GRIN2A: variants seen among roughly 807,000 people sequenced by gnomAD.
GRIN2A encodes glutamate ionotropic receptor NMDA type subunit 2A, also known as glutamate receptor ionotropic, NMDA 2A.
A neutral mutation model predicts 113.4 loss-of-function variants in GRIN2A; 22 were observed. That is an observed-to-expected ratio of 0.19 (90% CI 0.14 to 0.28). The LOEUF is 0.28. GRIN2A is among the 10% of genes least tolerant of loss of function. The pLI is 1.00. For synonymous variants in GRIN2A, 827 were observed against 738.4 expected, an observed-to-expected ratio of 1.12 and a Z score of -1.94; for missense variants, 1,502 against 1,887.0, an observed-to-expected ratio of 0.80 and a Z score of 3.78.
At chr16:9,955,066 T>C (rs2045274151) in intron 2 of GRIN2A, among the ~76,000 whole-genome samples, 1 of 152,198 alleles carries the variant, frequency 6.6e-6, no homozygotes, top group African/African-American at 2.4e-5. Context: ...GGGCAGTCAA[T>C]AAATCCTTGC....
intron 2 of GRIN2A, among the ~76,000 whole-genome samples, chr16:10,062,116 C>T (rs1275601391): frequency 1.3e-5 from 2 of 152,124 alleles, no homozygotes; most frequent in African/African-American, 4.8e-5. Context: ...AAACCCAGGT[C>T]CGGTACTTGC....
chr16:10,023,380 A>G (rs1457598951), intron 2 of GRIN2A, among the ~76,000 whole-genome samples: 11 of 152,230 alleles, frequency 7.2e-5, no homozygotes, highest in African/African-American at 9.6e-5. Flanking sequence ...GGGTACATTC[A>G]GGTGTGGTTT....
chr16:9,928,571 G>C (rs1208044954), intron 3 of GRIN2A, among the ~76,000 whole-genome samples: 5 of 151,772 alleles, frequency 3.3e-5, no homozygotes, highest in Non-Finnish European at 1.5e-5. Context: ...GACCCCAAAA[G>C]CTCCATCGCC....
intron 4 of GRIN2A, among the ~76,000 whole-genome samples, chr16:9,880,737 T>A (rs969224318): frequency 2.0e-5 from 3 of 152,212 alleles, no homozygotes; most frequent in African/African-American, 7.2e-5. Flanking sequence ...TCCCACTGCA[T>A]GGAATGGCCT....
rs2050251015 is a variant in GRIN2A at position 10,180,682 on chromosome 16, CCT to C, written c.-18-255_-18-254del. The C allele has an allele frequency of 4.9e-6, 3 of 606,470 alleles. No individual in the cohort carries two copies. The highest frequency in any genetic ancestry group is 3.0e-5 in the Admixed American group (1 of 33,266). 37.6% of individuals were successfully genotyped at this position (606,470 alleles called of 1,614,324 possible). On this transcript the variant is annotated intron_variant, in intron 1 of 12. Transcript: ENST00000330684. The surrounding 1 kb of genome is among the most constrained non-coding windows in gnomAD (Gnocchi z 7.0). The stretch of plus-strand genomic sequence containing the variant: ...CTTCTCGCATCCAGCTTCCTCATCC[CCT>C]GTCTCCAGGCACTTCCCCATCCCCA...
At chr16:9,896,565 T>C (rs1188273889) in intron 3 of GRIN2A, among the ~76,000 whole-genome samples, 1 of 152,218 alleles carries the variant, frequency 6.6e-6, no homozygotes, top group African/African-American at 2.4e-5. Flanking sequence ...GCAGAAATCC[T>C]CATGCTTCAG....
At chr16:10,159,393 C>T (rs2049767284) in intron 2 of GRIN2A, among the ~76,000 whole-genome samples, 1 of 152,142 alleles carries the variant, frequency 6.6e-6, no homozygotes, top group African/African-American at 2.4e-5. Context: ...GGTCAGGAAC[C>T]CAGGGCAAGA....
chr16:9,965,962 T>G (rs1436513116), intron 2 of GRIN2A, among the ~76,000 whole-genome samples: 7 of 152,226 alleles, frequency 4.6e-5, no homozygotes, highest in Non-Finnish European at 1.0e-4. Context: ...TGCTTTACAA[T>G]ACTTTCTGGT....
intron 4 of GRIN2A, among the ~76,000 whole-genome samples, chr16:9,877,304 T>G (rs747218250): frequency 1.3e-5 from 2 of 152,202 alleles, no homozygotes; most frequent in Admixed American, 6.5e-5. Flanking sequence ...TACGTCATAT[T>G]CAGACAACTA....
At chr16:9,889,777 C>A (rs1047610447) in intron 4 of GRIN2A, among the ~76,000 whole-genome samples, 2 of 152,100 alleles carry the variant, frequency 1.3e-5, no homozygotes, top group African/African-American at 2.4e-5. Flanking sequence ...ATTTTTGTTA[C>A]TAATTTTTAT....
intron 2 of GRIN2A, among the ~76,000 whole-genome samples, chr16:10,011,040 C>T (rs2046495359): frequency 6.6e-6 from 1 of 152,174 alleles, no homozygotes; most frequent in East Asian, 1.9e-4. Flanking sequence ...AAGTTCCCAG[C>T]CACCAATGCC....
intron 4 of GRIN2A, among the ~76,000 whole-genome samples, chr16:9,875,381 G>A (rs191326778): frequency 2.0e-5 from 3 of 152,140 alleles, no homozygotes; most frequent in African/African-American, 7.2e-5. Context: ...TCCAAACCAG[G>A]TTCCAATGCC....
intron 2 of GRIN2A, among the ~76,000 whole-genome samples, chr16:9,961,690 CG>C (rs2045445877): frequency 6.6e-6 from 1 of 152,118 alleles, no homozygotes; most frequent in Admixed American, 6.5e-5. Context: ...TTCGTGAAAA[CG>C]GCCATACTGC....
chr16:9,822,923 T>C (rs1265440284), intron 9 of GRIN2A, among the ~76,000 whole-genome samples: 1 of 152,194 alleles, frequency 6.6e-6, no homozygotes, highest in Non-Finnish European at 1.5e-5. Flanking sequence ...AGAAAATGAC[T>C]ATATATTACC....
intron 2 of GRIN2A, among the ~76,000 whole-genome samples, chr16:10,162,884 G>C (rs2049832451): frequency 1.3e-5 from 2 of 152,160 alleles, no homozygotes; most frequent in Admixed American, 1.3e-4. Context: ...GACAGGGATG[G>C]AGGATTTCCT....
At chr16:9,771,343 T>A (rs1411023015) in intron 11 of GRIN2A, among the ~76,000 whole-genome samples, 3 of 152,094 alleles carry the variant, frequency 2.0e-5, no homozygotes, top group Non-Finnish European at 4.4e-5. Context: ...TATTTTCCCG[T>A]TAATTTATTC....
chr16:9,941,860 T>C (rs2044887342), intron 2 of GRIN2A, among the ~76,000 whole-genome samples: 1 of 152,166 alleles, frequency 6.6e-6, no homozygotes, highest in Non-Finnish European at 1.5e-5. Flanking sequence ...TTGGCACTAA[T>C]AGTATGCCCA....
At chr16:10,160,487 G>C (rs1182931593) in intron 2 of GRIN2A, among the ~76,000 whole-genome samples, 4 of 152,188 alleles carry the variant, frequency 2.6e-5, no homozygotes, top group Non-Finnish European at 4.4e-5. Flanking sequence ...GGGACCTCAT[G>C]ACAACACATT....
intron 9 of GRIN2A, among the ~76,000 whole-genome samples, chr16:9,827,783 C>T (rs1172215153): frequency 6.6e-6 from 1 of 152,264 alleles, no homozygotes; most frequent in Admixed American, 6.5e-5. Context: ...TCCAGTATAC[C>T]ATGCATGTAT....
Sources: gnomAD v4.1 joint callset for allele counts (sites outside exome capture counted in the v4.1 genomes callset) on GRCh38, gnomAD v4.1.1 for gene constraint, Gnocchi (gnomAD v3.1) non-coding constraint, MANE v1.5 for transcripts, NCBI Gene and HGNC (gene_info 2026-07-23, HGNC 2026-07-21) for gene names.